FHIT: variants seen among roughly 807,000 people sequenced by gnomAD.
The protein encoded by FHIT is fragile histidine triad diadenosine triphosphatase, also known as bis(5'-adenosyl)-triphosphatase.
FHIT carries 19 observed loss-of-function variants against 17.9 expected under a neutral mutation model. The ratio of observed to expected loss-of-function variants is 1.06; its 90% CI spans 0.74 to 1.56. The LOEUF (loss-of-function observed/expected upper bound fraction) is 1.56, where lower values mean the gene tolerates loss of function less well. FHIT is among the 40% of genes most tolerant of loss of function. The probability of loss-of-function intolerance (pLI) is 0.00; values close to 1 mark genes in which losing one functional copy is unlikely to be tolerated. For missense variants in FHIT, 248 were observed against 189.2 expected (o/e 1.31, Z -1.82); for synonymous variants, 81 against 69.7 (o/e 1.16, Z -0.81).
chr3:60,324,023 T>C (rs1569348), intron 5 of FHIT, among the ~76,000 whole-genome samples: 90,141 of 151,952 alleles, frequency 0.59, 27,255 homozygotes, highest in South Asian at 0.71. Context: ...CTAGAATCCT[T>C]TGTTGAAATG....
intron 5 of FHIT, among the ~76,000 whole-genome samples, chr3:60,518,527 G>C (rs10212340): frequency 1.2e-3 from 180 of 152,156 alleles, no homozygotes; most frequent in African/African-American, 4.2e-3. Context: ...AATAACTTCC[G>C]AATGTTCATC....
At chr3:60,422,145 A>AT (rs1414059500) in intron 5 of FHIT, among the ~76,000 whole-genome samples, 15 of 152,246 alleles carry the variant, frequency 9.9e-5, no homozygotes, top group East Asian at 1.9e-4. Context: ...TAAGCAGCAG[A>AT]TTTTTTGAGT....
intron 7 of FHIT, among the ~76,000 whole-genome samples, chr3:59,954,344 G>A (rs989037087): frequency 6.7e-6 from 1 of 149,566 alleles, no homozygotes; most frequent in Non-Finnish European, 1.5e-5. Context: ...TTCATCATTT[G>A]CAAATAATTC....
At chr3:60,623,733 A>G (rs1553679657) in intron 4 of FHIT, among the ~76,000 whole-genome samples, 1 of 152,184 alleles carries the variant, frequency 6.6e-6, no homozygotes, top group East Asian at 1.9e-4. Context: ...CATGGTAGTA[A>G]AACTATGGGA....
intron 5 of FHIT, among the ~76,000 whole-genome samples, chr3:60,114,488 C>CTTTTTTTTTTTTT (rs145618938): frequency 0.01 from 615 of 59,474 alleles, 132 homozygotes; most frequent in East Asian, 0.02. Context: ...CAAGAGAAAT[C>CTTTTTTTTTTTTT]CTTTTTTTTT....
Position 61,202,559 on chromosome 3 carries a change from A to T in FHIT, c.-212-1894T>A, listed in dbSNP as rs114014588. On this transcript the variant is annotated intron_variant, in intron 1 of 9. Transcript: ENST00000492590. The stretch of plus-strand genomic sequence containing the variant: ...AGCCAATATAAAAATATATGGATGT[A>T]GAGTTTCTAGAATGAAAGACATGAG... Among the ~76,000 whole-genome samples the T allele has an allele frequency of 8.9e-3, 1,361 of 152,304 alleles. 25 individuals carry two copies. Among genetic ancestry groups the T allele is most frequent in the African/African-American group, 0.031 (1,302 of 41,554 alleles).
intron 7 of FHIT, among the ~76,000 whole-genome samples, chr3:59,983,218 T>C (rs1021474852): frequency 6.6e-6 from 1 of 152,012 alleles, no homozygotes; most frequent in African/African-American, 2.4e-5. Context: ...GGATTAGAGG[T>C]ATGTGCCACC....
At chr3:60,027,918 T>C (rs1276756945) in intron 5 of FHIT, among the ~76,000 whole-genome samples, 1 of 152,212 alleles carries the variant, frequency 6.6e-6, no homozygotes, top group African/African-American at 2.4e-5. Context: ...GCACTTGAAA[T>C]ATGGCTGATG....
intron 8 of FHIT, among the ~76,000 whole-genome samples, chr3:59,851,303 A>G (rs923831560): frequency 3.3e-5 from 5 of 152,212 alleles, no homozygotes; most frequent in Admixed American, 2.6e-4. Flanking sequence ...GTCAGGTAAA[A>G]TGTAATATTT....
At chr3:60,586,827 C>T (rs1369407965) in intron 4 of FHIT, among the ~76,000 whole-genome samples, 4 of 151,860 alleles carry the variant, frequency 2.6e-5, no homozygotes, top group African/African-American at 7.3e-5. Flanking sequence ...GAACAATAGA[C>T]AATGGGACCT....
At chr3:61,188,373 C>G (rs534390683) in intron 2 of FHIT, among the ~76,000 whole-genome samples, 1 of 152,292 alleles carries the variant, frequency 6.6e-6, no homozygotes, top group Non-Finnish European at 1.5e-5. Flanking sequence ...CCTCCCAAGA[C>G]TAAACCAGAA....
chr3:59,895,559 C>A lies in FHIT; in HGVS notation c.348+26787G>T, dbSNP rs115532588. The stretch of plus-strand genomic sequence containing the variant: ...CTGTCCCACTTCCTTCATTCCCTAT[C>A]TTCCCTAGAGAAGTAACTGATGCCA... On this transcript the variant is annotated intron_variant, in intron 8 of 9. Transcript: ENST00000492590. Among the ~76,000 whole-genome samples, 679 of 152,298 alleles carry A rather than the reference C, an allele frequency of 4.5e-3. 4 individuals carry two copies. The highest frequency in any genetic ancestry group is 7.9e-3 in the African/African-American group (327 of 41,562).
chr3:59,828,553 T>A (rs1350674922), intron 8 of FHIT, among the ~76,000 whole-genome samples: 1 of 152,202 alleles, frequency 6.6e-6, no homozygotes, highest in Non-Finnish European at 1.5e-5. Context: ...TAAAGAGAAA[T>A]GCAAAGTTCC....
At chr3:60,912,664 A>G (rs1706806212) in intron 3 of FHIT, 1 of 450,814 alleles carries the variant, frequency 2.2e-6, no homozygotes, top group African/African-American at 2.0e-5. Context: ...ATAACTCTAG[A>G]TATTCACTAG....
chr3:61,053,476 T>C (rs577325768), intron 2 of FHIT, among the ~76,000 whole-genome samples: 23 of 152,106 alleles, frequency 1.5e-4, no homozygotes, highest in African/African-American at 5.5e-4. Context: ...CTGACCACCA[T>C]GGAGAAACCC....
chr3:60,659,569 T>G (rs1275700913), intron 4 of FHIT, among the ~76,000 whole-genome samples: 6 of 152,178 alleles, frequency 3.9e-5, no homozygotes, highest in African/African-American at 1.4e-4. Context: ...TCCAGTGAAT[T>G]TTTCATTTCA....
At chr3:60,369,107 A>T (rs1463712614) in intron 5 of FHIT, among the ~76,000 whole-genome samples, 1 of 149,920 alleles carries the variant, frequency 6.7e-6, no homozygotes, top group African/African-American at 2.4e-5. Context: ...TGAGTAGCTC[A>T]AATCACAGGT....
rs114031021 is a variant in FHIT, at chr3:60,634,381, A to C, written c.-17-97402T>G. Among the ~76,000 whole-genome samples, 339 of 152,350 alleles carry C rather than the reference A, an allele frequency of 2.2e-3. 2 individuals are homozygous for C. Among genetic ancestry groups the C allele is most frequent in the African/African-American group, 7.8e-3 (326 of 41,592 alleles). ...TACATAAATTAGCCAGGAGCAAAGC[A>C]AGAAGCTGCCCGAGTAGGGCAGTTG... On this transcript the variant is annotated intron_variant, in intron 4 of 9. Coordinates refer to ENST00000492590, the MANE Select transcript of FHIT (RefSeq NM_002012.4).
intron 4 of FHIT, among the ~76,000 whole-genome samples, chr3:60,774,406 T>C (rs1700148670): frequency 6.6e-6 from 1 of 152,172 alleles, no homozygotes; most frequent in Non-Finnish European, 1.5e-5. Flanking sequence ...GTTCATGCAA[T>C]TGTCCTGCCT....
Sources: allele counts gnomAD v4.1 joint callset (sites outside exome capture counted in the v4.1 genomes callset), GRCh38; gene constraint gnomAD v4.1.1; transcripts MANE v1.5; gene names NCBI Gene and HGNC (gene_info 2026-07-23, HGNC 2026-07-21).